Variants in NEGR1 observed in about 807,000 individuals in gnomAD.
The protein encoded by NEGR1 is neuronal growth regulator 1, also known as IgLON family member 4.
In NEGR1, 10 loss-of-function variants were observed where a neutral mutation model predicts 40.9. That is an observed-to-expected ratio of 0.24 (90% CI 0.15 to 0.42). The LOEUF is 0.42. Ranked by LOEUF, NEGR1 falls within the 10% of genes least tolerant of loss-of-function variation. The probability of loss-of-function intolerance (pLI) is 1.00; values close to 1 mark genes in which losing one functional copy is unlikely to be tolerated. For missense variants in NEGR1, 352 were observed against 438.9 expected (o/e 0.80, Z 1.77); for synonymous variants, 185 against 166.8 (o/e 1.11, Z -0.84).
intron 2 of NEGR1, among the ~76,000 whole-genome samples, chr1:71,860,718 G>C (rs919059465): frequency 6.6e-6 from 1 of 151,964 alleles, no homozygotes; most frequent in Non-Finnish European, 1.5e-5. Flanking sequence ...ATTACAGAAG[G>C]ATAAGTTTTA....
chr1:72,087,878 G>C (rs1648288400), intron 1 of NEGR1, among the ~76,000 whole-genome samples: 2 of 151,286 alleles, frequency 1.3e-5, no homozygotes, highest in South Asian at 4.2e-4. Flanking sequence ...TTAGGTCTGA[G>C]TCACTGCACC....
chr1:72,243,609 T>G (rs1303264673), intron 1 of NEGR1, among the ~76,000 whole-genome samples: 1 of 151,790 alleles, frequency 6.6e-6, no homozygotes, highest in Non-Finnish European at 1.5e-5. Context: ...TTGAGTATAT[T>G]TAAGTTCATT....
chr1:71,768,563 G>A (rs1656209731), intron 3 of NEGR1, among the ~76,000 whole-genome samples: 1 of 152,076 alleles, frequency 6.6e-6, no homozygotes, highest in African/African-American at 2.4e-5. Context: ...TAGGAAGAAG[G>A]GACTTGTCTT....
At chr1:71,760,659 T>G (rs1655909401) in intron 3 of NEGR1, among the ~76,000 whole-genome samples, 1 of 152,216 alleles carries the variant, frequency 6.6e-6, no homozygotes, top group African/African-American at 2.4e-5. Context: ...TCTGGTATTG[T>G]TGAAATGTCA....
intron 1 of NEGR1, among the ~76,000 whole-genome samples, chr1:71,974,966 G>T (rs1208768888): frequency 1.3e-5 from 2 of 152,144 alleles, no homozygotes; most frequent in Non-Finnish European, 2.9e-5. Flanking sequence ...CAGTGAGTCA[G>T]TTTGGGACTC....
At chr1:71,687,980 A>T (rs898530773) in intron 4 of NEGR1, among the ~76,000 whole-genome samples, 1 of 151,978 alleles carries the variant, frequency 6.6e-6, no homozygotes. Context: ...TTTTATGAAC[A>T]TTTTTCAACT....
intron 4 of NEGR1, among the ~76,000 whole-genome samples, chr1:71,619,673 A>C (rs572816238): frequency 6.6e-6 from 1 of 152,212 alleles, no homozygotes; most frequent in East Asian, 1.9e-4. Flanking sequence ...GCAGTGAAAG[A>C]AAGGGTCAGC....
At chr1:72,118,671 G>A (rs1323070511) in intron 1 of NEGR1, among the ~76,000 whole-genome samples, 1 of 151,756 alleles carries the variant, frequency 6.6e-6, no homozygotes, top group Non-Finnish European at 1.5e-5. Context: ...GGCCCTTCCA[G>A]TACTTTTAAG....
chr1:71,540,281 A>G (rs1557560095), intron 6 of NEGR1, among the ~76,000 whole-genome samples: 1 of 151,802 alleles, frequency 6.6e-6, no homozygotes, highest in Non-Finnish European at 1.5e-5. Context: ...AATAAAGGGA[A>G]TGTGGTCAAG....
chr1:71,928,463 T>C (rs1246383607), intron 2 of NEGR1, among the ~76,000 whole-genome samples: 2 of 110,080 alleles, frequency 1.8e-5, no homozygotes, highest in African/African-American at 3.6e-5. Flanking sequence ...TATACACACA[T>C]ACTTATATAT....
intron 1 of NEGR1, among the ~76,000 whole-genome samples, chr1:71,984,921 A>G: frequency 6.6e-6 from 1 of 152,178 alleles, no homozygotes; most frequent in Non-Finnish European, 1.5e-5. Flanking sequence ...CATAATTTTA[A>G]GCCTTTTACA....
Position 71,404,995 on chromosome 1 carries a change from G to T in NEGR1, c.*2451C>A, listed in dbSNP as rs187254287. The T allele has an allele frequency of 1.1e-4, 17 of 152,216 alleles. No individual in the cohort carries two copies. The East Asian group carries it at 3.3e-3, about 29-fold the overall frequency. 9.4% of individuals were successfully genotyped at this position (152,216 alleles called of 1,614,324 possible). On this transcript the variant is annotated 3_prime_UTR_variant, in exon 7 of 7. Transcript: ENST00000357731. Reference sequence around the variant, plus strand: ...AAATACTCATGATTTCACTCTGTCCGAGGGCCTAAGGACTAGGAATGCTGC... The same window carrying T: ...AAATACTCATGATTTCACTCTGTCCTAGGGCCTAAGGACTAGGAATGCTGC...
intron 4 of NEGR1, among the ~76,000 whole-genome samples, chr1:71,691,822 T>C (rs1487860020): frequency 6.6e-6 from 1 of 151,600 alleles, no homozygotes; most frequent in Non-Finnish European, 1.5e-5. Flanking sequence ...CCCATAACTC[T>C]TATGAAGCTA....
At chr1:71,895,116 G>T (rs1345438164) in intron 2 of NEGR1, among the ~76,000 whole-genome samples, 2 of 152,104 alleles carry the variant, frequency 1.3e-5, no homozygotes, top group African/African-American at 2.4e-5. Flanking sequence ...AGGGTAATAG[G>T]TACCTTTAAG....
At chr1:71,434,137 A>G (rs1646488846) in intron 6 of NEGR1, among the ~76,000 whole-genome samples, 1 of 152,182 alleles carries the variant, frequency 6.6e-6, no homozygotes, top group East Asian at 1.9e-4. Context: ...GAGATTTGCA[A>G]CAGTTTGAAA....
intron 4 of NEGR1, among the ~76,000 whole-genome samples, chr1:71,632,945 G>A (rs1651024196): frequency 6.6e-6 from 1 of 152,010 alleles, no homozygotes; most frequent in Non-Finnish European, 1.5e-5. Context: ...AATTCATTAA[G>A]TGATTTTATG....
chr1:71,866,562 A>C (rs1660119939), intron 2 of NEGR1, among the ~76,000 whole-genome samples: 1 of 152,234 alleles, frequency 6.6e-6, no homozygotes, highest in Non-Finnish European at 1.5e-5. Flanking sequence ...ATTTTAATTA[A>C]AATGACTGTG....
At chr1:71,878,599 T>C (rs1046282703) in intron 2 of NEGR1, among the ~76,000 whole-genome samples, 1 of 152,202 alleles carries the variant, frequency 6.6e-6, no homozygotes, top group African/African-American at 2.4e-5. Flanking sequence ...GTCACCATTA[T>C]GAAAAATAAT....
In NEGR1 at chr1:71,398,493, C is replaced by T. The variant is rs1646226124; in HGVS notation, c.*8953G>A. 6.6e-6 allele frequency: 1 copy of T among 152,256 alleles called. No individual in the cohort carries two copies. Among genetic ancestry groups the T allele is most frequent in the African/African-American group, 2.4e-5 (1 of 41,454 alleles). 9.4% of individuals were successfully genotyped at this position (152,256 alleles called of 1,614,324 possible). A position where few individuals can be genotyped will look rare whatever the true frequency, so the allele number is the denominator to read the frequency against. ...GCCCCTGTAGTCCCTTTGTTCTGGC[C>T]AATTTCTTCCACTTGGAATGGCTAT... On this transcript the variant is annotated 3_prime_UTR_variant, in exon 7 of 7. Transcript: ENST00000357731.
Sources: gnomAD v4.1 joint callset for allele counts (sites outside exome capture counted in the v4.1 genomes callset) on GRCh38, gnomAD v4.1.1 for gene constraint, MANE v1.5 for transcripts, NCBI Gene and HGNC (gene_info 2026-07-23, HGNC 2026-07-21) for gene names.